Variants in PRKCB observed in about 807,000 individuals in gnomAD.
PRKCB encodes protein kinase C beta.
Under a neutral mutation model 81.5 loss-of-function variants are expected in PRKCB, and 13 were observed. The observed-to-expected ratio is 0.16, with a 90% CI of 0.10 to 0.25. The LOEUF is 0.25. PRKCB is among the 10% of genes least tolerant of loss of function. PRKCB has a pLI of 1.00. For missense variants in PRKCB, 509 were observed against 875.7 expected (o/e 0.58, Z 5.29); for synonymous variants, 335 against 321.4 (o/e 1.04, Z -0.45).
chr16:24,208,421 G>T (rs1839453354), intron 16 of PRKCB: 1 of 152,174 alleles, frequency 6.6e-6, no homozygotes, highest in Admixed American at 6.5e-5. Flanking sequence ...CGTGTAACAG[G>T]TCACAGATAA....
intron 3 of PRKCB, among the ~76,000 whole-genome samples, chr16:24,027,081 T>C (rs1488636454): frequency 2.0e-5 from 3 of 152,116 alleles, no homozygotes; most frequent in Admixed American, 2.0e-4. Context: ...ACACCTGCCA[T>C]GGTGGTTTGC....
At chr16:23,842,324 T>C (rs918349378) in intron 2 of PRKCB, among the ~76,000 whole-genome samples, 1 of 152,146 alleles carries the variant, frequency 6.6e-6, no homozygotes, top group African/African-American at 2.4e-5. Context: ...AATGAGGTGG[T>C]GCATGAGAAA....
At chr16:24,139,378 C>T (rs1966879693) in intron 9 of PRKCB, among the ~76,000 whole-genome samples, 1 of 152,216 alleles carries the variant, frequency 6.6e-6, no homozygotes, top group African/African-American at 2.4e-5. Context: ...CCCAATTAGA[C>T]ATTTCTTATT....
At chr16:24,192,070 C>A (rs1967801982) in intron 16 of PRKCB, among the ~76,000 whole-genome samples, 1 of 152,176 alleles carries the variant, frequency 6.6e-6, no homozygotes, top group Non-Finnish European at 1.5e-5. Flanking sequence ...AACATAAACA[C>A]CATCATTGAA....
rs868724041 is a variant in PRKCB, at chr16:23,977,588, C to A, written c.206-10920C>A. Among the ~76,000 whole-genome samples the A allele has an allele frequency of 2.0e-5, 3 of 152,158 alleles. No homozygotes were observed. In the South Asian group the frequency reaches 6.2e-4, roughly 32 times the overall value. On this transcript the variant is annotated intron_variant, in intron 2 of 16. Transcript: ENST00000643927. Reference sequence around the variant, plus strand: ...TATCTCAGTCCGTACCTACAGATAGCCTCACACATGTGGTCGCGCATACAG... The same window carrying A: ...TATCTCAGTCCGTACCTACAGATAGACTCACACATGTGGTCGCGCATACAG...
chr16:24,166,556 G>C (rs1032629409), intron 10 of PRKCB, among the ~76,000 whole-genome samples: 4 of 152,126 alleles, frequency 2.6e-5, no homozygotes, highest in Non-Finnish European at 5.9e-5. Context: ...CAAATACAAA[G>C]CCATAAAGGT....
intron 16 of PRKCB, among the ~76,000 whole-genome samples, chr16:24,193,468 T>TAAAAAA (rs376463151): frequency 2.9e-5 from 3 of 103,554 alleles, no homozygotes; most frequent in African/African-American, 4.1e-5. Flanking sequence ...AATAAATAAA[T>TAAAAAA]AAATAAATAA....
In PRKCB at chr16:24,158,415, G is replaced by C. The variant is rs1434096373; in HGVS notation, c.1239+3558G>C. Among the ~76,000 whole-genome samples the C allele has an allele frequency of 2.6e-5, 4 of 152,180 alleles. No homozygotes were observed. The East Asian group carries it at 7.7e-4, about 29-fold the overall frequency. ...TCATCATTCCCATTGTGTAGACCAGGGGACTGAGGCCACACAGCTAGTACA... is the reference window on the plus strand; with the variant it reads ...TCATCATTCCCATTGTGTAGACCAGCGGACTGAGGCCACACAGCTAGTACA... On this transcript the variant is annotated intron_variant, in intron 10 of 16. Transcript: ENST00000643927.
At chr16:23,949,997 C>A (rs1023611556) in intron 2 of PRKCB, among the ~76,000 whole-genome samples, 2 of 152,176 alleles carry the variant, frequency 1.3e-5, no homozygotes, top group African/African-American at 4.8e-5. Flanking sequence ...GGCCCAGAGA[C>A]CACCTCCTTC....
intron 2 of PRKCB, among the ~76,000 whole-genome samples, chr16:23,875,663 T>C (rs867221696): frequency 2.3e-5 from 3 of 127,834 alleles, no homozygotes; most frequent in Admixed American, 8.2e-5. Context: ...ATCACACATA[T>C]ATATGTATGT....
chr16:24,173,123 T>C (rs198163), intron 11 of PRKCB, among the ~76,000 whole-genome samples: 56,712 of 151,844 alleles, frequency 0.37, 10,976 homozygotes, highest in South Asian at 0.48. Context: ...CTTCACTCCA[T>C]GGGGGTGAAG....
rs148520313 is a variant in PRKCB, at chr16:23,855,165, GGAGA to G, written c.205+17775_205+17778del. ...AGAGCCGGCGGGGGAGGGGGTGGCA[GGAGA>G]GAGAGAGAGAGAGAGGCGTGTGAGT... On this transcript the variant is annotated intron_variant, in intron 2 of 16. Coordinates refer to ENST00000643927, the MANE Select transcript of PRKCB (RefSeq NM_002738.7). Among the ~76,000 whole-genome samples the G allele has an allele frequency of 1.9e-4, 28 of 149,874 alleles. No individual in the cohort carries two copies. In the South Asian group the frequency reaches 1.9e-3, roughly 10 times the overall value.
At chr16:23,912,199 G>T (rs1858872) in intron 2 of PRKCB, among the ~76,000 whole-genome samples, 1 of 151,690 alleles carries the variant, frequency 6.6e-6, no homozygotes, top group African/African-American at 2.4e-5. Flanking sequence ...AGAATCTACC[G>T]TTTAACCCTT....
intron 9 of PRKCB, among the ~76,000 whole-genome samples, chr16:24,142,637 A>G (rs1966918058): frequency 6.6e-6 from 1 of 152,218 alleles, no homozygotes; most frequent in Non-Finnish European, 1.5e-5. Flanking sequence ...AGGGAGTTCT[A>G]ATATGCAGCA....
At chr16:24,019,994 C>A (rs1053835697) in intron 3 of PRKCB, among the ~76,000 whole-genome samples, 1 of 152,080 alleles carries the variant, frequency 6.6e-6, no homozygotes, top group Admixed American at 6.6e-5. Flanking sequence ...ATTTTACCTT[C>A]GTCCAACGTG....
At chr16:24,106,733 AAAGAT>A (rs1186302413) in intron 7 of PRKCB, among the ~76,000 whole-genome samples, 2 of 152,212 alleles carry the variant, frequency 1.3e-5, no homozygotes, top group African/African-American at 4.8e-5. Context: ...TATAAATTTC[AAAGAT>A]ATGATACAAA....
intron 5 of PRKCB, among the ~76,000 whole-genome samples, chr16:24,036,536 G>A (rs7203703): frequency 0.016 from 2,362 of 152,206 alleles, 68 homozygotes; most frequent in African/African-American, 0.053. Flanking sequence ...TGTTTCTGAG[G>A]CCTCAGACTG....
At chr16:24,206,982 G>A (rs1329756631) in intron 16 of PRKCB, among the ~76,000 whole-genome samples, 1 of 152,332 alleles carries the variant, frequency 6.6e-6, no homozygotes, top group Admixed American at 6.5e-5. Flanking sequence ...CCAGGCTGAA[G>A]TGCAGAGGCA....
At chr16:24,008,196 A>G (rs1965153942) in intron 3 of PRKCB, among the ~76,000 whole-genome samples, 1 of 152,254 alleles carries the variant, frequency 6.6e-6, no homozygotes, top group Admixed American at 6.5e-5. Context: ...TGAGAGGTCC[A>G]GCTCTAGGCC....
Sources: allele counts gnomAD v4.1 joint callset (sites outside exome capture counted in the v4.1 genomes callset), GRCh38; gene constraint gnomAD v4.1.1; transcripts MANE v1.5; gene names NCBI Gene and HGNC (gene_info 2026-07-23, HGNC 2026-07-21).